Variants in MYO3B observed in about 807,000 individuals in gnomAD.
MYO3B encodes myosin-IIIb.
Under a neutral mutation model 174.6 loss-of-function variants are expected in MYO3B, and 156 were observed. The observed-to-expected ratio is 0.89, with a 90% CI of 0.78 to 1.02. The LOEUF (loss-of-function observed/expected upper bound fraction) is 1.02, where lower values mean the gene tolerates loss of function less well. Ranked by LOEUF, MYO3B falls within the 50% of genes least tolerant of loss-of-function variation. MYO3B has a pLI of 0.00. For missense variants in MYO3B, 1,632 were observed against 1,639.4 expected, an observed-to-expected ratio of 1.00 and a Z score of 0.08; for synonymous variants, 563 against 569.1, an observed-to-expected ratio of 0.99 and a Z score of 0.15.
intron 28 of MYO3B, among the ~76,000 whole-genome samples, chr2:170,505,372 A>G (rs1687559187): frequency 6.6e-6 from 1 of 152,202 alleles, no homozygotes; most frequent in Non-Finnish European, 1.5e-5. Context: ...CCACAGGAAA[A>G]CACATTCCTT....
chr2:170,417,010 G>A (rs2094584865), intron 22 of MYO3B, among the ~76,000 whole-genome samples: 1 of 151,860 alleles, frequency 6.6e-6, no homozygotes, highest in African/African-American at 2.4e-5. Context: ...TGTATTTTTA[G>A]TAGAGACGGG....
intron 7 of MYO3B, among the ~76,000 whole-genome samples, chr2:170,263,432 C>T (rs2093359740): frequency 6.6e-6 from 1 of 152,114 alleles, no homozygotes; most frequent in Non-Finnish European, 1.5e-5. Context: ...CCGGCACCGG[C>T]ACCAGTCTCT....
Position 170,214,359 on chromosome 2 carries a change from T to C in MYO3B, c.322-20T>C. The C allele has an allele frequency of 6.2e-7, 1 of 1,604,268 alleles. No homozygotes were observed. Among genetic ancestry groups the C allele is most frequent in the African/African-American group, 1.3e-5 (1 of 74,788 alleles). ...CATGTGGTCTCCTGCTCTCCCTGTG[T>C]CTGGCACCTCTTCTTGCAGCTGTGT... On this transcript the variant is annotated intron_variant, in intron 3 of 34. Transcript: ENST00000408978.
Position 170,515,401 on chromosome 2 carries a change from G to A in MYO3B, c.3472+379G>A, listed in dbSNP as rs577852598. ...AAGACTGAGGAAAGTTTAGTGTCTT[G>A]GGAAGATCTTTCTATGATCCAGAAC... On this transcript the variant is annotated intron_variant, in intron 29 of 34. Transcript: ENST00000408978. 7.5e-4 allele frequency among the ~76,000 whole-genome samples: 114 copies of A among 152,174 alleles called. 1 individual carries two copies. The South Asian group carries it at 0.024, about 31-fold the overall frequency.
chr2:170,332,878 A>G (rs940897821), intron 7 of MYO3B, among the ~76,000 whole-genome samples: 2 of 152,184 alleles, frequency 1.3e-5, no homozygotes, highest in Non-Finnish European at 1.5e-5. Flanking sequence ...GATATTCACC[A>G]TCCATTTCAT....
chr2:170,383,647 G>T, intron 11 of MYO3B, 63 bp from the exon 12 acceptor site: 2 of 1,250,680 alleles, frequency 1.6e-6, no homozygotes, highest in Non-Finnish European at 2.3e-6. Flanking sequence ...GGTTTCATGG[G>T]CAATAGGTAG....
chr2:170,608,437 A>G (rs1300069699), intron 32 of MYO3B, among the ~76,000 whole-genome samples: 1 of 152,216 alleles, frequency 6.6e-6, no homozygotes, highest in African/African-American at 2.4e-5. Flanking sequence ...CAGTGGGATT[A>G]TACAAGATTG....
chr2:170,293,793 G>A (rs1025851446), intron 7 of MYO3B, among the ~76,000 whole-genome samples: 1 of 108,938 alleles, frequency 9.2e-6, no homozygotes, highest in Non-Finnish European at 1.9e-5. Flanking sequence ...AGTTGCTACT[G>A]TACCAAAGAA....
chr2:170,360,594 A>G (rs2094153231), intron 8 of MYO3B, among the ~76,000 whole-genome samples: 2 of 152,208 alleles, frequency 1.3e-5, no homozygotes, highest in African/African-American at 2.4e-5. Context: ...GCCATTGCAC[A>G]TTAACATTTC....
chr2:170,234,119 C>T (rs1343040232), intron 6 of MYO3B, among the ~76,000 whole-genome samples: 10 of 129,502 alleles, frequency 7.7e-5, no homozygotes, highest in Admixed American at 5.7e-4. Flanking sequence ...TGCAGTGAGC[C>T]GAGATCCCGC....
At chr2:170,178,323 C>T in intron 1 of MYO3B, 34 bp downstream of exon 1, 1 of 1,614,010 alleles carries the variant, frequency 6.2e-7, no homozygotes, top group Non-Finnish European at 8.5e-7. Flanking sequence ...CAGCTTTCTT[C>T]TGTGCTTGCT....
At chr2:170,335,254 A>C (rs2093939216) in intron 7 of MYO3B, 131 bp from the exon 8 acceptor site, 1 of 706,860 alleles carries the variant, frequency 1.4e-6, no homozygotes, top group African/African-American at 1.8e-5. Context: ...CTACCACTAA[A>C]AAATGACTCT....
Position 170,387,320 on chromosome 2 carries a change from A to G in MYO3B, c.1577+12A>G, listed in dbSNP as rs1476462302. Reference sequence around the variant, plus strand: ...ATAAAACAGGCAGCGTAGGTGCACTACTTTATCACTGTGTTTTTGCCCTGC... The same window carrying G: ...ATAAAACAGGCAGCGTAGGTGCACTGCTTTATCACTGTGTTTTTGCCCTGC... On this transcript the variant is annotated intron_variant, in intron 14 of 34. Transcript: ENST00000408978. The G allele has an allele frequency of 4.3e-6, 7 of 1,611,818 alleles. No homozygotes were observed. The East Asian group carries it at 1.1e-4, about 26-fold the overall frequency.
intron 6 of MYO3B, among the ~76,000 whole-genome samples, chr2:170,225,429 C>T (rs566421917): frequency 1.5e-4 from 23 of 152,202 alleles, no homozygotes; most frequent in African/African-American, 5.1e-4. Context: ...TTTTTTCCCC[C>T]AATTCTTAAC....
intron 19 of MYO3B, among the ~76,000 whole-genome samples, chr2:170,403,289 TA>T (rs1325340260): frequency 2.0e-5 from 3 of 152,122 alleles, no homozygotes; most frequent in African/African-American, 7.2e-5. Context: ...TTTATTTAAC[TA>T]AAAATATTTA....
intron 23 of MYO3B, among the ~76,000 whole-genome samples, chr2:170,451,466 T>C (rs981584276): frequency 6.6e-6 from 1 of 152,260 alleles, no homozygotes; most frequent in Admixed American, 6.5e-5. Flanking sequence ...ACAAACCTAA[T>C]ATCTGACCTA....
chr2:170,488,440 G>A (rs918103569), intron 25 of MYO3B, among the ~76,000 whole-genome samples: 5 of 151,986 alleles, frequency 3.3e-5, no homozygotes, highest in African/African-American at 9.7e-5. Flanking sequence ...GATCTATAGC[G>A]TAGATTTTTG....
chr2:170,610,528 A>G (rs1370383610), intron 32 of MYO3B, among the ~76,000 whole-genome samples: 1 of 152,162 alleles, frequency 6.6e-6, no homozygotes, highest in Non-Finnish European at 1.5e-5. Context: ...AAAACTCACT[A>G]TAGGCCTTTA....
At chr2:170,618,123 A>G (rs1695583446) in intron 32 of MYO3B, among the ~76,000 whole-genome samples, 1 of 152,174 alleles carries the variant, frequency 6.6e-6, no homozygotes, top group Non-Finnish European at 1.5e-5. Context: ...AAAGGTGGAT[A>G]CCTAAAACCT....
Sources: allele counts gnomAD v4.1 joint callset (sites outside exome capture counted in the v4.1 genomes callset), GRCh38; gene constraint gnomAD v4.1.1; transcripts MANE v1.5; gene names NCBI Gene and HGNC (gene_info 2026-07-23, HGNC 2026-07-21).